The following TAFA5 variants were observed in gnomAD, a reference collection of about 807,000 sequenced individuals.
The protein encoded by TAFA5 is TAFA chemokine like family member 5.
Under a neutral mutation model 15.3 loss-of-function variants are expected in TAFA5, and 6 were observed. That is an observed-to-expected ratio of 0.39 (90% confidence interval 0.21 to 0.77). The LOEUF is 0.77. Ranked by LOEUF, TAFA5 falls within the 30% of genes least tolerant of loss-of-function variation. The pLI is 0.41. For missense variants in TAFA5, 161 were observed against 193.1 expected (o/e 0.83, Z 0.98); for synonymous variants, 103 against 80.7 (o/e 1.28, Z -1.48).
intron 1 of TAFA5, among the ~76,000 whole-genome samples, chr22:48,644,664 C>T (rs2147200884): frequency 6.6e-6 from 1 of 152,308 alleles, no homozygotes; most frequent in Admixed American, 6.5e-5. Flanking sequence ...GCTGGGGGAC[C>T]CAGAGGTGAC....
At chr22:48,629,877 T>C (rs1177786168) in intron 1 of TAFA5, among the ~76,000 whole-genome samples, 3 of 152,040 alleles carry the variant, frequency 2.0e-5, no homozygotes, top group African/African-American at 7.3e-5. Flanking sequence ...CAACGCCGAG[T>C]GTCCTCCCGG....
intron 1 of TAFA5, chr22:48,544,501 A>T (rs1922585747): frequency 5.5e-6 from 2 of 366,178 alleles, no homozygotes; most frequent in Admixed American, 6.8e-5. Flanking sequence ...TCTGCACCAC[A>T]TGCTAATCTG....
At chr22:48,746,981 C>T (rs1930347271) in intron 3 of TAFA5, among the ~76,000 whole-genome samples, 1 of 152,224 alleles carries the variant, frequency 6.6e-6, no homozygotes, top group Admixed American at 6.5e-5. Context: ...GACCCTCGCC[C>T]ATACCCTACA....
chr22:48,492,082 T>C (rs1928172352), intron 1 of TAFA5, among the ~76,000 whole-genome samples: 2 of 151,776 alleles, frequency 1.3e-5, no homozygotes, highest in African/African-American at 4.8e-5. Context: ...AAAATAGACA[T>C]AATAATAATT....
At chr22:48,600,764 T>C (rs28385331) in intron 1 of TAFA5, among the ~76,000 whole-genome samples, 115,382 of 152,206 alleles carry the variant, frequency 0.76, 43,919 homozygotes, top group Admixed American at 0.8. Context: ...CCCACGCTGT[T>C]CCACTCGGGG....
In TAFA5 at chr22:48,679,747, C is replaced by T. The variant is rs1220006266; in HGVS notation, c.263-27970C>T. On this transcript the variant is annotated intron_variant, in intron 2 of 3. Transcript: ENST00000402357. ...CTCCCCGTCCATCCCTCTCCTGGCT[C>T]CCCAGCTCCCCGTCCATCCCTCTCC... 2.6e-5 allele frequency among the ~76,000 whole-genome samples: 2 copies of T among 76,740 alleles called. 1 individual carries two copies. The highest frequency in any genetic ancestry group is 1.3e-4 in the African/African-American group (2 of 15,632). The allele number at this position is 76,740 out of a possible 152,430, so 50.3% of individuals were successfully genotyped here.
chr22:48,493,109 T>C (rs1315521455), intron 1 of TAFA5, among the ~76,000 whole-genome samples: 2 of 152,198 alleles, frequency 1.3e-5, no homozygotes, highest in Non-Finnish European at 2.9e-5. Flanking sequence ...CAACTCCCTA[T>C]GACACCTAAG....
chr22:48,686,921 TG>T (rs1250180753), intron 2 of TAFA5, among the ~76,000 whole-genome samples: 35 of 149,454 alleles, frequency 2.3e-4, no homozygotes, highest in Non-Finnish European at 4.2e-4. Flanking sequence ...GATGGATGGA[TG>T]GATGGATGGA....
intron 1 of TAFA5, among the ~76,000 whole-genome samples, chr22:48,605,273 ATGG>A (rs1355531751): frequency 7.8e-5 from 2 of 25,782 alleles, no homozygotes; most frequent in Non-Finnish European, 1.9e-4. Flanking sequence ...GGTGAGGATG[ATGG>A]TGATGATGTT....
At chr22:48,599,797 G>T (rs979749935) in intron 1 of TAFA5, among the ~76,000 whole-genome samples, 5 of 152,226 alleles carry the variant, frequency 3.3e-5, no homozygotes, top group Non-Finnish European at 7.3e-5. Context: ...CCATGTAGGG[G>T]CACCCTGTGC....
At chr22:48,502,431 G>C (rs1453149940) in intron 1 of TAFA5, among the ~76,000 whole-genome samples, 1 of 149,106 alleles carries the variant, frequency 6.7e-6, no homozygotes, top group East Asian at 2.0e-4. Context: ...TTTGTCTTAG[G>C]CTTTTGCAGC....
chr22:48,689,603 G>A (rs1323172992), intron 2 of TAFA5, among the ~76,000 whole-genome samples: 2 of 152,106 alleles, frequency 1.3e-5, no homozygotes, highest in South Asian at 4.1e-4. Context: ...AGTCTGAGCC[G>A]ATGTTATTCA....
intron 1 of TAFA5, among the ~76,000 whole-genome samples, chr22:48,537,178 C>G (rs1922195706): frequency 6.8e-6 from 1 of 147,118 alleles, no homozygotes; most frequent in African/African-American, 2.5e-5. Flanking sequence ...TTCTGTGGCT[C>G]TCGTTCCTCT....
intron 1 of TAFA5, chr22:48,544,822 T>A (rs1169707378): frequency 2.1e-6 from 1 of 471,238 alleles, no homozygotes; most frequent in Admixed American, 2.3e-5. Flanking sequence ...AGGTGTGGCC[T>A]GGGGTCCCAC....
At chr22:48,675,824 A>G (rs1927954983) in intron 2 of TAFA5, among the ~76,000 whole-genome samples, 1 of 152,236 alleles carries the variant, frequency 6.6e-6, no homozygotes, top group Non-Finnish European at 1.5e-5. Flanking sequence ...GCATTGTACC[A>G]TTGCACACAG....
intron 1 of TAFA5, among the ~76,000 whole-genome samples, chr22:48,493,875 C>T (rs1008825354): frequency 6.6e-6 from 1 of 152,192 alleles, no homozygotes; most frequent in African/African-American, 2.4e-5. Flanking sequence ...TGGAGAGCCG[C>T]ATTTACTCCT....
At chr22:48,544,970 GGGCAGCA>G (rs1316732311) in intron 1 of TAFA5, 1 of 438,652 alleles carries the variant, frequency 2.3e-6, no homozygotes, top group Non-Finnish European at 4.8e-6. Flanking sequence ...GCTTTTCAGT[GGGCAGCA>G]GCCGCCTCTC....
Position 48,646,684 on chromosome 22 carries a change from G to A in TAFA5, c.200G>A (p.Arg67His), listed in dbSNP as rs769032022. Residue 67 changes from arginine to histidine, a missense_variant, in exon 2 of 4, where the codon CGC becomes CAC. Coordinates refer to ENST00000402357, the MANE Select transcript of TAFA5 (RefSeq NM_001082967.3). ...AGGACGATCGCCCGGCAGACCGCCCGCTGTGCGTGTAGAAAGGGGCAGATC... is the reference window on the plus strand; with the variant it reads ...AGGACGATCGCCCGGCAGACCGCCCACTGTGCGTGTAGAAAGGGGCAGATC... ...PRRTIARQTA[R>H]CACRKGQIAG... The A allele has an allele frequency of 1.2e-6, 2 of 1,610,296 alleles. No homozygotes were observed. The highest frequency in any genetic ancestry group is 8.5e-7 in the Non-Finnish European group (1 of 1,179,522).
chr22:48,563,264 G>T (rs1923299201), intron 1 of TAFA5, among the ~76,000 whole-genome samples: 1 of 152,056 alleles, frequency 6.6e-6, no homozygotes, highest in Non-Finnish European at 1.5e-5. Context: ...TCTCCAGCGG[G>T]GACCACCGTG....
Sources: gnomAD v4.1 joint callset for allele counts (sites outside exome capture counted in the v4.1 genomes callset) on GRCh38, gnomAD v4.1.1 for gene constraint, MANE v1.5 for transcripts, NCBI Gene and HGNC (gene_info 2026-07-23, HGNC 2026-07-21) for gene names.